DCBLD1: variants seen among roughly 807,000 people sequenced by gnomAD.
DCBLD1 encodes discoidin, CUB and LCCL domain containing 1.
DCBLD1 carries 57 observed loss-of-function variants against 71.5 expected under a neutral mutation model. The ratio of observed to expected loss-of-function variants is 0.80; its 90% CI spans 0.64 to 0.99. The LOEUF is 0.99. DCBLD1 is among the 50% of genes least tolerant of loss of function. DCBLD1 has a pLI of 0.00. For missense variants in DCBLD1, 891 were observed against 923.5 expected, an observed-to-expected ratio of 0.96 and a Z score of 0.46; for synonymous variants, 380 against 363.8, an observed-to-expected ratio of 1.04 and a Z score of -0.51.
intron 9 of DCBLD1, 111 bp downstream of exon 9, chr6:117,539,490 G>A: frequency 7.8e-7 from 1 of 1,274,296 alleles, no homozygotes; most frequent in Non-Finnish European, 1.1e-6. Context: ...GTGAGGCCAA[G>A]CATGGTGGTT....
intron 3 of DCBLD1, among the ~76,000 whole-genome samples, chr6:117,520,486 C>T (rs928312609): frequency 1.3e-5 from 2 of 152,208 alleles, no homozygotes; most frequent in African/African-American, 2.4e-5. Context: ...CCCCCATCCT[C>T]CTCCCTAGCT....
Position 117,523,017 on chromosome 6 carries a change from G to GA in DCBLD1, c.512+1446dup, listed in dbSNP as rs959464885. On this transcript the variant is annotated intron_variant, in intron 4 of 14. Transcript: ENST00000338728. ...TAACTAATATTATGTCTAATAGGGG[G>GA]AAAAATGAAAATGAGTGATAATTAA... Among the ~76,000 whole-genome samples the GA allele has an allele frequency of 7.2e-5, 11 of 152,256 alleles. No homozygotes were observed. In the East Asian group the frequency reaches 7.7e-4, roughly 11 times the overall value.
chr6:117,568,159 C>T (rs1406792958), intron 14 of DCBLD1, among the ~76,000 whole-genome samples: 3 of 151,972 alleles, frequency 2.0e-5, no homozygotes, highest in African/African-American at 7.3e-5. Context: ...GTAATTGTGC[C>T]ACTGCACTCC....
chr6:117,550,914 G>C (rs1254346877), downstream of DCBLD1, among the ~76,000 whole-genome samples: 1 of 152,176 alleles, frequency 6.6e-6, no homozygotes, highest in Non-Finnish European at 1.5e-5. Flanking sequence ...CCCCAGATCT[G>C]AGAGCAGTTG....
intron 11 of DCBLD1, among the ~76,000 whole-genome samples, chr6:117,541,260 G>T (rs1429728678): frequency 1.3e-5 from 2 of 151,962 alleles, no homozygotes; most frequent in East Asian, 3.9e-4. Context: ...TACATATTTT[G>T]TGGAAAAATA....
At chr6:117,557,237 T>C (rs1453778664) in intron 14 of DCBLD1, among the ~76,000 whole-genome samples, 1 of 152,208 alleles carries the variant, frequency 6.6e-6, no homozygotes, top group Non-Finnish European at 1.5e-5. Flanking sequence ...GTAACCTTTA[T>C]CCCTAATGGT....
chr6:117,550,415 A>G (rs1393266377), downstream of DCBLD1, among the ~76,000 whole-genome samples: 2 of 152,182 alleles, frequency 1.3e-5, no homozygotes, highest in African/African-American at 4.8e-5. Flanking sequence ...CATATATGAT[A>G]AGGCGTGAAT....
At chr6:117,493,442 G>C (rs925419469) in intron 1 of DCBLD1, among the ~76,000 whole-genome samples, 1 of 152,076 alleles carries the variant, frequency 6.6e-6, no homozygotes, top group Non-Finnish European at 1.5e-5. Context: ...TCCCTTAATA[G>C]TCTAGTAAAG....
At chr6:117,534,752 T>C (rs962402143) in intron 6 of DCBLD1, among the ~76,000 whole-genome samples, 4 of 150,220 alleles carry the variant, frequency 2.7e-5, no homozygotes, top group African/African-American at 4.9e-5. Context: ...ATAATATATT[T>C]TATATAATTT....
At chr6:117,504,709 G>A (rs1399929844) in intron 2 of DCBLD1, among the ~76,000 whole-genome samples, 3 of 152,202 alleles carry the variant, frequency 2.0e-5, no homozygotes, top group Non-Finnish European at 4.4e-5. Context: ...TGTGCTGTTA[G>A]CGCACTGCAA....
intron 7 of DCBLD1, among the ~76,000 whole-genome samples, chr6:117,538,296 A>G (rs773868083): frequency 2.0e-5 from 3 of 152,216 alleles, no homozygotes; most frequent in Non-Finnish European, 2.9e-5. Context: ...TTAAACCTTT[A>G]ACACAGATTG....
rs753658713 is a variant in DCBLD1, at chr6:117,544,592, C to CT, written c.1495+16dup. On this transcript the variant is annotated intron_variant, in intron 13 of 14. Coordinates refer to ENST00000338728, the MANE Select transcript of DCBLD1 (RefSeq NM_001366458.2). ...TCAGAAAACAGGTTGGTTGAAAACT[C>CT]TATCTACAATTTTATCTGTCTTTGA... 6 of 1,613,598 alleles carry CT rather than the reference C, an allele frequency of 3.7e-6. No homozygotes were observed. The highest frequency in any genetic ancestry group is 3.3e-5 in the Admixed American group (2 of 59,936).
chr6:117,538,444 T>C (rs769836293), intron 7 of DCBLD1, among the ~76,000 whole-genome samples, 176 bp from the exon 8 acceptor site: 77 of 152,302 alleles, frequency 5.1e-4, no homozygotes, highest in Non-Finnish European at 9.6e-4. Context: ...GGCATGGTAG[T>C]ACAAATGAGT....
At chr6:117,535,742 T>C (rs763506395) in intron 6 of DCBLD1, among the ~76,000 whole-genome samples, 4 of 152,182 alleles carry the variant, frequency 2.6e-5, no homozygotes, top group Admixed American at 2.0e-4. Flanking sequence ...TTGAGCCACA[T>C]TTCAAATGTA....
At chr6:117,484,013 T>C (rs1776999283) in intron 1 of DCBLD1, among the ~76,000 whole-genome samples, 1 of 152,202 alleles carries the variant, frequency 6.6e-6, no homozygotes, top group South Asian at 2.1e-4. Context: ...AACCCTAAAG[T>C]GATTTTGTCT....
At position 117,538,740 on chromosome 6, in the gene DCBLD1, A is replaced by C. The variant is rs1338565971; in HGVS notation, c.881A>C (p.Asp294Ala). 3 of 1,614,086 alleles carry C rather than the reference A, an allele frequency of 1.9e-6. No homozygotes were observed. The highest frequency in any genetic ancestry group is 2.5e-6 in the Non-Finnish European group (3 of 1,180,044). Residue 294 changes from aspartate to alanine, a missense_variant, in exon 8 of 15, where the codon GAC becomes GCC. Asp to Ala is a moderately radical substitution (Grantham distance 126, BLOSUM62 -2). Transcript: ENST00000338728. The part of the protein sequence containing the change: ...HWSPGQARLQ[D>A]QGPSWASGDS... ...TCTCCTGGCCAAGCCCGACTTCAGG[A>C]CCAAGGCCCATCATGGGCTTCGGGC...
intron 3 of DCBLD1, 36 bp from the exon 4 acceptor site, chr6:117,521,489 C>A: frequency 1.3e-6 from 2 of 1,516,138 alleles, no homozygotes; most frequent in South Asian, 2.4e-5. Context: ...AGTTTTTATT[C>A]ATTCTATTAA....
chr6:117,566,884 C>G lies in DCBLD1; in HGVS notation c.1616-2736C>G, dbSNP rs1779708005. 1 of 1,589,440 alleles carries G rather than the reference C, an allele frequency of 6.3e-7. No individual in the cohort carries two copies. The highest frequency in any genetic ancestry group is 1.3e-5 in the African/African-American group (1 of 74,214). On this transcript the variant is annotated intron_variant, in intron 14 of 14. Coordinates refer to the DCBLD1 transcript ENST00000296955. Reference sequence around the variant, plus strand: ...AATACTTTGATTTCCCCACTTGTGTCTTTGCAACTAGCACCAGGGTTACCA... The same window carrying G: ...AATACTTTGATTTCCCCACTTGTGTGTTTGCAACTAGCACCAGGGTTACCA...
At chr6:117,540,558 A>G (rs572086170) in intron 9 of DCBLD1, 110 bp from the exon 10 acceptor site, 573 of 1,376,944 alleles carry the variant, frequency 4.2e-4, no homozygotes, top group Non-Finnish European at 5.3e-4. Context: ...GAAAAATGCA[A>G]CCGACATAGA....
Sources: gnomAD v4.1 joint callset for allele counts (sites outside exome capture counted in the v4.1 genomes callset) on GRCh38, gnomAD v4.1.1 for gene constraint, MANE v1.5 for transcripts, NCBI Gene and HGNC (gene_info 2026-07-23, HGNC 2026-07-21) for gene names.